HDX: variants seen among roughly 807,000 people sequenced by gnomAD.
HDX encodes the protein chromosome X open reading frame 43.
In HDX, 19 loss-of-function variants were observed where a neutral mutation model predicts 45.2. That is an observed-to-expected ratio of 0.42 (90% CI 0.29 to 0.62). The LOEUF (loss-of-function observed/expected upper bound fraction) is 0.62, where lower values mean the gene tolerates loss of function less well. HDX is among the 20% of genes least tolerant of loss of function. The pLI, the probability that HDX is intolerant of heterozygous loss-of-function variation, is 0.20. For missense variants in HDX, 532 were observed against 493.9 expected (o/e 1.08, Z -0.73); for synonymous variants, 188 against 172.8 (o/e 1.09, Z -0.69).
chrX:84,367,346 A>G (rs2037783669), intron 5 of HDX, among the ~76,000 whole-genome samples: 2 of 112,344 alleles, frequency 1.8e-5, no homozygotes, highest in African/African-American at 6.5e-5. Context: ...AAAATTCAGG[A>G]AACAGCAGAT....
intron 2 of HDX, among the ~76,000 whole-genome samples, chrX:84,480,888 G>A (rs904766731): frequency 9.0e-6 from 1 of 111,148 alleles, no homozygotes; most frequent in Non-Finnish European, 1.9e-5. Flanking sequence ...CTTCATTTAT[G>A]TATTCTAGAA....
chrX:84,379,455 A>G (rs1382972712), intron 5 of HDX, among the ~76,000 whole-genome samples: 1 of 110,990 alleles, frequency 9.0e-6, no homozygotes, highest in Admixed American at 9.6e-5. Context: ...CACATGGATC[A>G]TTTTCAAGGA....
chrX:84,329,679 A>T (rs928903612), intron 9 of HDX, among the ~76,000 whole-genome samples: 1 of 111,962 alleles, frequency 8.9e-6, no homozygotes, highest in African/African-American at 3.2e-5. Flanking sequence ...ATTGTATGAA[A>T]ATTATGCATC....
At position 84,424,507 on chromosome X, in the gene HDX, A is replaced by T. The variant is rs557427006; in HGVS notation, c.1305+16025T>A. On this transcript the variant is annotated intron_variant, in intron 5 of 10. Transcript: ENST00000373177. ...CAAAAGACCCAGAACAGCCAAATTT[A>T]TCCTAAGCAAAGAGATTAAAAATGG... 3.7e-4 allele frequency among the ~76,000 whole-genome samples: 41 copies of T among 111,565 alleles called. No homozygotes were observed. In the South Asian group the frequency reaches 0.015, roughly 41 times the overall value.
In HDX at chrX:84,318,297, A is replaced by G. The variant is rs2036536886; in HGVS notation, c.*3592T>C. 9.1e-6 allele frequency: 1 copy of G among 110,244 alleles called. No individual in the cohort carries two copies. 9.1% of individuals were successfully genotyped at this position (110,244 alleles called of 1,213,427 possible). ...TCTGCCAAGGAAAATACCAACTTCA[A>G]AGAGAAATCTACCCATTTACCTAAC... On this transcript the variant is annotated 3_prime_UTR_variant, in exon 11 of 11. Coordinates refer to ENST00000373177, the MANE Select transcript of HDX (RefSeq NM_001177479.2).
chrX:84,353,236 G>A (rs1399683539), intron 6 of HDX, among the ~76,000 whole-genome samples: 2 of 111,603 alleles, frequency 1.8e-5, no homozygotes, highest in African/African-American at 6.5e-5. Flanking sequence ...CAGAATCATG[G>A]ATAACTGAGT....
chrX:84,392,772 T>C (rs981640764), intron 5 of HDX, among the ~76,000 whole-genome samples: 2 of 110,058 alleles, frequency 1.8e-5, no homozygotes, highest in Admixed American at 2.0e-4. Context: ...TTGTAGCTAC[T>C]GATTTTTTTA....
At chrX:84,494,150 C>T (rs1031243360) in intron 1 of HDX, among the ~76,000 whole-genome samples, 3 of 112,070 alleles carry the variant, frequency 2.7e-5, no homozygotes, top group Non-Finnish European at 5.6e-5. Flanking sequence ...CACATGCATC[C>T]ATCCATACAA....
At chrX:84,454,916 G>C (rs1288481619) in intron 4 of HDX, among the ~76,000 whole-genome samples, 1 of 110,524 alleles carries the variant, frequency 9.0e-6, no homozygotes, top group African/African-American at 3.3e-5. Flanking sequence ...AAGAGAACAA[G>C]AGTCTCTGCT....
At chrX:84,462,435 A>G (rs192020547) in intron 4 of HDX, among the ~76,000 whole-genome samples, 11 of 112,100 alleles carry the variant, frequency 9.8e-5, no homozygotes, top group African/African-American at 3.2e-4. Context: ...CAAACATCAT[A>G]TATTCTCACT....
chrX:84,422,305 G>A lies in HDX; in HGVS notation c.1305+18227C>T, dbSNP rs1023380720. 4.5e-5 allele frequency among the ~76,000 whole-genome samples: 5 copies of A among 111,756 alleles called. No homozygotes were observed. The East Asian group carries it at 1.1e-3, about 25-fold the overall frequency. The stretch of plus-strand genomic sequence containing the variant: ...GTCAATGAAGAAATTAAGAAGAAAA[G>A]TGAAAAATTCCTTGCAACAAATGAG... On this transcript the variant is annotated intron_variant, in intron 5 of 10. Coordinates refer to ENST00000373177, the MANE Select transcript of HDX (RefSeq NM_001177479.2).
At chrX:84,458,495 T>C (rs1338177783) in intron 4 of HDX, among the ~76,000 whole-genome samples, 5 of 112,143 alleles carry the variant, frequency 4.5e-5, no homozygotes, top group Admixed American at 1.9e-4. Flanking sequence ...TTGATAGTGA[T>C]TGTCAGACCC....
At chrX:84,346,333 AATTTTT>A (rs1182357558) in intron 6 of HDX, among the ~76,000 whole-genome samples, 2 of 111,245 alleles carry the variant, frequency 1.8e-5, no homozygotes, top group African/African-American at 3.3e-5. Context: ...TGTTTAACAT[AATTTTT>A]ATCAAATTCC....
intron 5 of HDX, among the ~76,000 whole-genome samples, chrX:84,409,967 C>T (rs1477228335): frequency 4.7e-5 from 5 of 105,896 alleles, no homozygotes; most frequent in African/African-American, 6.9e-5. Flanking sequence ...GCAGGAGAAT[C>T]GCTTGAACCT....
chrX:84,412,772 T>G (rs959284762), intron 5 of HDX, among the ~76,000 whole-genome samples: 1 of 111,927 alleles, frequency 8.9e-6, no homozygotes, highest in Non-Finnish European at 1.9e-5. Context: ...GTTTTGCATG[T>G]TCCTTGCTTT....
intron 8 of HDX, among the ~76,000 whole-genome samples, chrX:84,336,059 G>A (rs190464741): frequency 1.8e-5 from 2 of 109,936 alleles, no homozygotes; most frequent in South Asian, 3.9e-4. Context: ...AACACAGAAC[G>A]TTGATTCAAA....
At chrX:84,498,926 C>A (rs1203874477) in intron 1 of HDX, among the ~76,000 whole-genome samples, 1 of 110,031 alleles carries the variant, frequency 9.1e-6, no homozygotes, top group Non-Finnish European at 1.9e-5. Context: ...TTATATTGAC[C>A]TTAGTCAAGC....
At chrX:84,397,426 G>A (rs1368586949) in intron 5 of HDX, among the ~76,000 whole-genome samples, 1 of 111,814 alleles carries the variant, frequency 8.9e-6, no homozygotes, top group Non-Finnish European at 1.9e-5. Flanking sequence ...TCATCATGTG[G>A]TCTTCAGGCA....
intron 5 of HDX, among the ~76,000 whole-genome samples, chrX:84,412,802 A>C (rs1241103958): frequency 1.8e-5 from 2 of 111,751 alleles, no homozygotes; most frequent in Non-Finnish European, 3.8e-5. Context: ...TTTTGCAAGG[A>C]TGTTAAAGAG....
Sources: allele counts gnomAD v4.1 joint callset (sites outside exome capture counted in the v4.1 genomes callset), GRCh38; gene constraint gnomAD v4.1.1; transcripts MANE v1.5; gene names NCBI Gene and HGNC (gene_info 2026-07-23, HGNC 2026-07-21).